The following SDK2 variants were observed in gnomAD, a reference collection of about 807,000 sequenced individuals.
The protein encoded by SDK2 is sidekick cell adhesion molecule 2, also known as protein sidekick-2.
In SDK2, 105 loss-of-function variants were observed where a neutral mutation model predicts 253.9. The ratio of observed to expected loss-of-function variants is 0.41; its 90% CI spans 0.35 to 0.49. SDK2 has a LOEUF of 0.49. SDK2 is among the 20% of genes least tolerant of loss of function. The pLI is 0.06. For missense variants in SDK2, 2,608 were observed against 3,003.0 expected (o/e 0.87, Z 3.07); for synonymous variants, 1,249 against 1,234.9 (o/e 1.01, Z -0.24).
chr17:73,631,626 C>T (rs1321536734), intron 1 of SDK2, among the ~76,000 whole-genome samples: 6 of 152,216 alleles, frequency 3.9e-5, no homozygotes, highest in Non-Finnish European at 8.8e-5. Context: ...TGACCAGAAA[C>T]CCTGGTGGGG....
rs145950572 is a variant in SDK2 at position 73,572,933 on chromosome 17, C to T, written c.65-65336G>A. Among the ~76,000 whole-genome samples the T allele has an allele frequency of 5.3e-3, 809 of 152,284 alleles. 8 individuals carry two copies. The highest frequency in any genetic ancestry group is 0.018 in the African/African-American group (765 of 41,552). On this transcript the variant is annotated intron_variant, in intron 1 of 44. Coordinates refer to ENST00000392650, the MANE Select transcript of SDK2 (RefSeq NM_001144952.2). ...CACCCAGCATGCTCACTTGTAATGG[C>T]GCCTTCTTATCTCTTTCTTCCTGGA... is the stretch of plus-strand genomic sequence containing the variant.
Position 73,338,983 on chromosome 17 carries a change from G to C in SDK2, c.6166-43C>G, listed in dbSNP as rs1399808061. The C allele has an allele frequency of 6.4e-7, 1 of 1,562,868 alleles. No homozygotes were observed. On this transcript the variant is annotated intron_variant, in intron 44 of 44. Transcript: ENST00000392650. The surrounding 1 kb of genome is among the most constrained non-coding windows in gnomAD (Gnocchi z 5.0). ...CAGGGTGTGTCAGTGGCCCCGTAGG[G>C]ACAGGCCATTGTGGTTGGGGCCGGA... is the stretch of plus-strand genomic sequence containing the variant.
At chr17:73,415,689 A>G (rs1599544446) in intron 17 of SDK2, 122 bp downstream of exon 17, 3 of 808,070 alleles carry the variant, frequency 3.7e-6, no homozygotes, top group East Asian at 2.7e-5. Flanking sequence ...GAGTCTCCCT[A>G]TGTTGCCCAG....
At position 73,386,525 on chromosome 17, in the gene SDK2, T is replaced by A. The variant is rs911731504; in HGVS notation, c.4418A>T (p.Lys1473Met). Residue 1473 changes from lysine (K) to methionine (M), a missense_variant, in exon 31 of 45, where the codon AAG becomes ATG. By Grantham distance (95) the Lys-to-Met change is moderately conservative. Transcript: ENST00000392650. ...VDRLKPFTSY[K>M]FRVKATNDIG... ...GTCATTGGTCGCCTTCACTCGGAAC[T>A]TGTAGGACGTGAAGGGCTTCAGCCT... is the stretch of plus-strand genomic sequence containing the variant. The A allele has an allele frequency of 1.2e-5, 19 of 1,558,254 alleles. No homozygotes were observed. The highest frequency in any genetic ancestry group is 1.7e-5 in the Non-Finnish European group (19 of 1,150,820).
At chr17:73,588,207 C>A (rs1481475832) in intron 1 of SDK2, among the ~76,000 whole-genome samples, 8 of 142,634 alleles carry the variant, frequency 5.6e-5, no homozygotes, top group African/African-American at 1.6e-4. Flanking sequence ...ACCCCCCCCC[C>A]TCCCCCGCCA....
intron 1 of SDK2, among the ~76,000 whole-genome samples, chr17:73,545,051 A>G (rs2145827333): frequency 7.2e-6 from 1 of 139,770 alleles, no homozygotes; most frequent in East Asian, 2.1e-4. Context: ...AGATTTTCAT[A>G]GTATGTGGTT....
chr17:73,485,286 G>A (rs11657703), intron 2 of SDK2, among the ~76,000 whole-genome samples: 49,650 of 151,872 alleles, frequency 0.33, 8,214 homozygotes, highest in East Asian at 0.47. Context: ...CTGAGGGGGC[G>A]AGGGAAGAAA....
At chr17:73,398,690 TC>T (rs2062993105) in intron 22 of SDK2, among the ~76,000 whole-genome samples, 1 of 152,168 alleles carries the variant, frequency 6.6e-6, no homozygotes, top group Admixed American at 6.5e-5. Flanking sequence ...TAAATCTAAC[TC>T]CACTACTTAC....
intron 1 of SDK2, among the ~76,000 whole-genome samples, chr17:73,543,797 G>A (rs889238994): frequency 6.6e-6 from 1 of 152,248 alleles, no homozygotes; most frequent in African/African-American, 2.4e-5. Flanking sequence ...AAGGTGCAGG[G>A]GGAGAGGCAG....
Position 73,420,075 on chromosome 17 carries a change from G to C in SDK2, c.2046-769C>G, listed in dbSNP as rs2063216818. 5.9e-5 allele frequency among the ~76,000 whole-genome samples: 9 copies of C among 152,148 alleles called. No homozygotes were observed. The South Asian group carries it at 1.9e-3, about 31-fold the overall frequency. ...TTAACTAGGCCTCCTTTGCTGGCCA[G>C]CTGAGCCCCAGGCAGGAGCAGGGCG... On this transcript the variant is annotated intron_variant, in intron 15 of 44. Coordinates refer to ENST00000392650, the MANE Select transcript of SDK2 (RefSeq NM_001144952.2).
At chr17:73,601,607 C>T (rs559244569) in intron 1 of SDK2, among the ~76,000 whole-genome samples, 31 of 152,232 alleles carry the variant, frequency 2.0e-4, no homozygotes, top group African/African-American at 6.7e-4. Flanking sequence ...AGGCATCTCT[C>T]GGCTAAGGCA....
intron 1 of SDK2, among the ~76,000 whole-genome samples, chr17:73,555,860 T>C (rs144318756): frequency 1.8e-4 from 28 of 152,268 alleles, no homozygotes; most frequent in African/African-American, 6.7e-4. Context: ...CTGGGGAGGT[T>C]TGGCGGCTTG....
rs761204864 is a variant in SDK2, at chr17:73,393,676, G to A, written c.3782C>T (p.Ala1261Val). ...WLVEGNSSRS[A>V]QLTGLGKYVL... ...GTATTTGCCCAAGCCGGTGAGCTGGGCACTGCGAGACGAGTTGCCTTCCAC... is the reference window on the plus strand; with the variant it reads ...GTATTTGCCCAAGCCGGTGAGCTGGACACTGCGAGACGAGTTGCCTTCCAC... Residue 1261 changes from alanine to valine, a missense_variant, in exon 27 of 45, where the codon GCC becomes GTC. Transcript: ENST00000392650. 1 of 1,598,858 alleles carries A rather than the reference G, an allele frequency of 6.3e-7. No individual in the cohort carries two copies. The highest frequency in any genetic ancestry group is 2.3e-5 in the East Asian group (1 of 44,390).
intron 1 of SDK2, among the ~76,000 whole-genome samples, chr17:73,564,350 G>C (rs1463651543): frequency 6.6e-6 from 1 of 152,206 alleles, no homozygotes; most frequent in East Asian, 1.9e-4. Context: ...CTGGCTTAGA[G>C]TATAAAGTCC....
chr17:73,431,419 T>G lies in SDK2; in HGVS notation c.1480+83A>C. On this transcript the variant is annotated intron_variant, in intron 11 of 44. Transcript: ENST00000392650. The surrounding 1 kb of genome is among the most constrained non-coding windows in gnomAD (Gnocchi z 5.6). ...ACTGGTGGTATGAGCCTGTGCCCCG[T>G]AGCTGTCCTGAGTCCTCAGCACCTA... The G allele has an allele frequency of 7.3e-7, 1 of 1,372,526 alleles. No individual in the cohort carries two copies. The highest frequency in any genetic ancestry group is 9.9e-7 in the Non-Finnish European group (1 of 1,008,274). The allele number at this position is 1,372,526 out of a possible 1,614,324, so 85.0% of individuals were successfully genotyped here. A position where few individuals can be genotyped will look rare whatever the true frequency, so the allele number is the denominator to read the frequency against.
rs149639860 is a variant in SDK2 at position 73,545,537 on chromosome 17, C to T, written c.65-37940G>A. 1.4e-4 allele frequency among the ~76,000 whole-genome samples: 21 copies of T among 152,256 alleles called. No homozygotes were observed. The East Asian group carries it at 2.5e-3, about 18-fold the overall frequency. The stretch of plus-strand genomic sequence containing the variant: ...TGCGTTTGAGCTAAACATGCCCTGC[C>T]GCAAGCAGGCAAAGGGACCGGAAAC... On this transcript the variant is annotated intron_variant, in intron 1 of 44. Transcript: ENST00000392650.
chr17:73,403,061 A>T (rs1310749862), intron 18 of SDK2, among the ~76,000 whole-genome samples: 2 of 152,188 alleles, frequency 1.3e-5, no homozygotes, highest in Non-Finnish European at 2.9e-5. Flanking sequence ...GGCCTCCCAA[A>T]GTGCTGGGAT....
chr17:73,557,784 C>T lies in SDK2; in HGVS notation c.65-50187G>A, dbSNP rs561348059. Among the ~76,000 whole-genome samples the T allele has an allele frequency of 2.0e-5, 3 of 152,276 alleles. No homozygotes were observed. The South Asian group carries it at 6.2e-4, about 32-fold the overall frequency. On this transcript the variant is annotated intron_variant, in intron 1 of 44. Coordinates refer to ENST00000392650, the MANE Select transcript of SDK2 (RefSeq NM_001144952.2). The stretch of plus-strand genomic sequence containing the variant: ...AGAACCCAAAGTGTCAAAGCCCTGC[C>T]ATTCTAATTTCCTTTCCCATTAACA...
intron 2 of SDK2, among the ~76,000 whole-genome samples, chr17:73,482,589 C>A (rs1324929490): frequency 6.6e-6 from 1 of 152,244 alleles, no homozygotes; most frequent in African/African-American, 2.4e-5. Context: ...CTCTGGCTTG[C>A]GATGGCTGGG....
Sources: allele counts gnomAD v4.1 joint callset (sites outside exome capture counted in the v4.1 genomes callset), GRCh38; gene constraint gnomAD v4.1.1; non-coding constraint Gnocchi (gnomAD v3.1); transcripts MANE v1.5; gene names NCBI Gene and HGNC (gene_info 2026-07-23, HGNC 2026-07-21).